The following GEN1 variants were observed in gnomAD, a reference collection of about 807,000 sequenced individuals.
GEN1 encodes the protein flap endonuclease GEN homolog 1.
A neutral mutation model predicts 67.6 loss-of-function variants in GEN1; 64 were observed. That is an observed-to-expected ratio of 0.95 (90% confidence interval 0.77 to 1.17). The LOEUF (loss-of-function observed/expected upper bound fraction) is 1.17, where lower values mean the gene tolerates loss of function less well. GEN1 is among the 50% of genes most tolerant of loss of function. The pLI, the probability that GEN1 is intolerant of heterozygous loss-of-function variation, is 0.00. For missense variants in GEN1, 1,058 were observed against 1,048.3 expected, an observed-to-expected ratio of 1.01 and a Z score of -0.13; for synonymous variants, 371 against 359.4, an observed-to-expected ratio of 1.03 and a Z score of -0.37.
At chr2:17,764,316 C>T (rs1237158338) in intron 3 of GEN1, among the ~76,000 whole-genome samples, 2 of 152,110 alleles carry the variant, frequency 1.3e-5, no homozygotes, top group Non-Finnish European at 2.9e-5. Flanking sequence ...TTTGGAAGTA[C>T]GCGTATTGGG....
At chr2:17,760,153 T>G in intron 2 of GEN1, 49 bp downstream of exon 2, 1 of 1,521,974 alleles carries the variant, frequency 6.6e-7, no homozygotes, top group Non-Finnish European at 8.9e-7. Context: ...TAAACAGTCT[T>G]GGTATCTTGA....
rs576360570 is a variant in GEN1 at position 17,783,724 on chromosome 2, G to A, written c.*1785G>A. 1 of 152,218 alleles carries A rather than the reference G, an allele frequency of 6.6e-6. No homozygotes were observed. Among genetic ancestry groups the A allele is most frequent in the South Asian group, 2.1e-4 (1 of 4,830 alleles). 9.4% of individuals were successfully genotyped at this position (152,218 alleles called of 1,614,324 possible). On this transcript the variant is annotated 3_prime_UTR_variant, in exon 14 of 14. Coordinates refer to ENST00000381254, the MANE Select transcript of GEN1 (RefSeq NM_001130009.3). ...TATGGTCAGTTGATTTTAAACCAGA[G>A]TGCCAAGACAATTCAATGGGAAAAG...
chr2:17,781,397 C>G lies in GEN1; in HGVS notation c.2185C>G (p.Gln729Glu). The G allele has an allele frequency of 6.2e-7, 1 of 1,613,774 alleles. No homozygotes were observed. Among genetic ancestry groups the G allele is most frequent in the Non-Finnish European group, 8.5e-7 (1 of 1,179,894 alleles). ...LSKDLPGIPLQNESRDSKILK... is the reference protein window; with the variant it reads ...LSKDLPGIPLENESRDSKILK... The stretch of plus-strand genomic sequence containing the variant: ...AAAGGATCTTCCAGGAATTCCCTTG[C>G]AAAATGAATCCAGAGACTCTAAAAT... The change falls in exon 14 of 14, where the codon CAA (glutamine) becomes GAA (glutamate). Residue 729 changes from glutamine (Q) to glutamate (E), a missense_variant. By Grantham distance (29) the Gln-to-Glu change is conservative (BLOSUM62 2). Transcript: ENST00000381254.
At chr2:17,770,890 CTGAT>C (rs1395909136) in intron 6 of GEN1, among the ~76,000 whole-genome samples, 9 of 150,920 alleles carry the variant, frequency 6.0e-5, no homozygotes, top group Admixed American at 5.3e-4. Context: ...AAAAAAAAGA[CTGAT>C]TGGATATATA....
chr2:17,757,387 A>G (rs1029581865), intron 1 of GEN1, among the ~76,000 whole-genome samples: 1 of 144,848 alleles, frequency 6.9e-6, no homozygotes, highest in East Asian at 2.0e-4. Context: ...TTGCTGTTTT[A>G]TTTTTTTTTT....
At chr2:17,772,820 ATGACCTATACACATACCTTTG>A (rs762055162) in intron 8 of GEN1, 36 bp downstream of exon 8, 457 of 1,544,702 alleles carry the variant, frequency 3.0e-4, no homozygotes, top group Admixed American at 1.3e-3. Context: ...TTTTCCTGGC[ATGACCTATACACATACCTTTG>A]GTTGAATTAT....
chr2:17,775,593 A>G (rs1048099080), intron 11 of GEN1, among the ~76,000 whole-genome samples: 1 of 152,216 alleles, frequency 6.6e-6, no homozygotes, highest in Admixed American at 6.5e-5. Flanking sequence ...TCAGGCAACA[A>G]TCATCAATGG....
intron 8 of GEN1, 101 bp downstream of exon 8, chr2:17,772,885 C>A: frequency 8.7e-7 from 1 of 1,142,886 alleles, no homozygotes; most frequent in Non-Finnish European, 1.2e-6. Context: ...CTAGATTAGT[C>A]ACATGTTTAA....
rs988813470 is a variant in GEN1, at chr2:17,788,739, T to A, written c.*6800T>A. ...ACCACCCAACTGATACCTGCCTTTC[T>A]GTGAGTGAAATCAGAAACGGCTGTT... On this transcript the variant is annotated 3_prime_UTR_variant, in exon 14 of 14. Coordinates refer to ENST00000381254, the MANE Select transcript of GEN1 (RefSeq NM_001130009.3). 1 of 152,228 alleles carries A rather than the reference T, an allele frequency of 6.6e-6. No individual in the cohort carries two copies. Among genetic ancestry groups the A allele is most frequent in the African/African-American group, 2.4e-5 (1 of 41,460 alleles). 9.4% of individuals were successfully genotyped at this position (152,228 alleles called of 1,614,324 possible).
At chr2:17,772,594 A>G (rs1210465627) in intron 7 of GEN1, 40 bp from the exon 8 acceptor site, 1 of 1,554,762 alleles carries the variant, frequency 6.4e-7, no homozygotes, top group East Asian at 2.3e-5. Flanking sequence ...GTAATTATAA[A>G]AGGCAAAAAA....
rs1286281841 is a variant in GEN1, at chr2:17,781,762, T to C, written c.2550T>C (p.Thr850=). 4 of 1,613,090 alleles carry C rather than the reference T, an allele frequency of 2.5e-6. No individual in the cohort carries two copies. In the South Asian group the frequency reaches 4.4e-5, roughly 18 times the overall value. ...GCCCTAAGATACATATTAAAGAAAC[T>C]GAACAGTGTGTCAGATCTTATGAAA... ...LSSPKIHIKE[T]EQCVRSYETA... is the part of the protein sequence containing the mutation. Residue 850 remains threonine, a synonymous_variant, in exon 14 of 14, where the codon ACT becomes ACC. Transcript: ENST00000381254.
Position 17,784,244 on chromosome 2 carries a change from A to G in GEN1, c.*2305A>G, listed in dbSNP as rs1006583072. The G allele has an allele frequency of 6.6e-6, 1 of 152,228 alleles. No homozygotes were observed. Among genetic ancestry groups the G allele is most frequent in the Non-Finnish European group, 1.5e-5 (1 of 68,042 alleles). 9.4% of individuals were successfully genotyped at this position (152,228 alleles called of 1,614,324 possible). A position where few individuals can be genotyped will look rare whatever the true frequency, so the allele number is the denominator to read the frequency against. On this transcript the variant is annotated 3_prime_UTR_variant, in exon 14 of 14. Transcript: ENST00000381254. ...AGCACATTTAAAAATTTTCAGTACT[A>G]TTACTCATCAGGAAAATGCAAATCA...
At chr2:17,778,186 A>ACACACATATGTGTATATATATG (rs1558408555) in intron 12 of GEN1, 123 bp downstream of exon 12, 2 of 359,398 alleles carry the variant, frequency 5.6e-6, no homozygotes, top group South Asian at 3.0e-5. Context: ...ATATATATAT[A>ACACACATATGTGTATATATATG]TACACACACA....
chr2:17,772,893 T>C (rs1287297811), intron 8 of GEN1, 109 bp downstream of exon 8: 12 of 1,110,272 alleles, frequency 1.1e-5, no homozygotes, highest in Non-Finnish European at 1.5e-5. Flanking sequence ...GTCACATGTT[T>C]AACTAAATTT....
At chr2:17,762,136 GAAAT>G (rs1403140759) in intron 3 of GEN1, among the ~76,000 whole-genome samples, 2 of 149,400 alleles carry the variant, frequency 1.3e-5, no homozygotes, top group Admixed American at 6.7e-5. Context: ...ACTTAAGAAA[GAAAT>G]CATCTATAGT....
intron 1 of GEN1, chr2:17,754,805 C>T (rs1017615009): frequency 3.9e-5 from 6 of 152,186 alleles, no homozygotes; most frequent in African/African-American, 1.2e-4. Flanking sequence ...GTCTTTCCCC[C>T]ACGGTAACCT....
At chr2:17,757,391 T>A (rs556692059) in intron 1 of GEN1, among the ~76,000 whole-genome samples, 1 of 152,250 alleles carries the variant, frequency 6.6e-6, no homozygotes, top group South Asian at 2.1e-4. Context: ...TGTTTTATTT[T>A]TTTTTTTACC....
Position 17,764,972 on chromosome 2 carries a change from C to G in GEN1, c.424C>G (p.Leu142Val). ...GGAAGCTGAAGCCATGTGTGCTTAT[C>G]TCAATGCTGGTGGTCATGTCGATGG... is the stretch of plus-strand genomic sequence containing the variant. Reference protein sequence around the residue: ...AGEAEAMCAYLNAGGHVDGCL... With the variant: ...AGEAEAMCAYVNAGGHVDGCL... Residue 142 changes from leucine to valine, a missense_variant, in exon 4 of 14, where the codon CTC becomes GTC. Coordinates refer to ENST00000381254, the MANE Select transcript of GEN1 (RefSeq NM_001130009.3). 1 of 1,614,148 alleles carries G rather than the reference C, an allele frequency of 6.2e-7. No homozygotes were observed.
chr2:17,785,208 G>A lies in GEN1; in HGVS notation c.*3269G>A, dbSNP rs111295873. 8.7e-3 allele frequency: 1,332 copies of A among 152,350 alleles called. 30 individuals are homozygous for A. Among genetic ancestry groups the A allele is most frequent in the African/African-American group, 0.03 (1,264 of 41,566 alleles). The allele number at this position is 152,350 out of a possible 1,614,324, so 9.4% of individuals were successfully genotyped here. ...GAAAGTGGTCCTCGGTGCCAGAAAG[G>A]TTGGGGACTGCTGATATACCTAATA... On this transcript the variant is annotated 3_prime_UTR_variant, in exon 14 of 14. Coordinates refer to ENST00000381254, the MANE Select transcript of GEN1 (RefSeq NM_001130009.3).
Sources: allele counts gnomAD v4.1 joint callset (sites outside exome capture counted in the v4.1 genomes callset), GRCh38; gene constraint gnomAD v4.1.1; transcripts MANE v1.5; gene names NCBI Gene and HGNC (gene_info 2026-07-23, HGNC 2026-07-21).